The following RBMX variants were observed in gnomAD, a reference collection of about 807,000 sequenced individuals.
RBMX encodes RNA-binding motif protein, X chromosome.
A neutral mutation model predicts 29.3 loss-of-function variants in RBMX; 1 was observed. The observed-to-expected ratio is 0.03, with a 90% CI of 0.01 to 0.16. The LOEUF (loss-of-function observed/expected upper bound fraction) is 0.16. Among genes scored for constraint, RBMX ranks in the 10% least tolerant of loss-of-function variants. The pLI, the probability that RBMX is intolerant of heterozygous loss-of-function variation, is 1.00. For synonymous variants in RBMX, 102 were observed against 102.3 expected (o/e 1.00, Z 0.02); for missense variants, 121 against 333.2 (o/e 0.36, Z 4.96).
chrX:136,878,745 CAAAAAAAAAA>C (rs749152530), intron 3 of RBMX, among the ~76,000 whole-genome samples: 1 of 37,109 alleles, frequency 2.7e-5, no homozygotes, highest in Admixed American at 4.1e-4. Flanking sequence ...GGGAGACTAT[CAAAAAAAAAA>C]AAAAAAAAGT....
chrX:136,870,818 AAAAG>A (rs1040461719), downstream of RBMX, among the ~76,000 whole-genome samples: 21 of 108,973 alleles, frequency 1.9e-4, no homozygotes, highest in African/African-American at 5.7e-4. Context: ...AAAAGAAAAA[AAAAG>A]AAAGCCGCAT....
intron 1 of RBMX, among the ~76,000 whole-genome samples, 167 bp downstream of exon 1, chrX:136,880,430 G>GC (rs777020206): frequency 2.0e-4 from 22 of 111,908 alleles, no homozygotes; most frequent in Admixed American, 3.8e-4. Context: ...AACCAAACGG[G>GC]CCCCCTCATT....
chrX:136,877,469 TGA>T (rs1161503012), intron 4 of RBMX, among the ~76,000 whole-genome samples: 3 of 98,311 alleles, frequency 3.1e-5, no homozygotes, highest in African/African-American at 1.1e-4. Flanking sequence ...TTTTTTTTTT[TGA>T]GAGGGAGTCT....
At chrX:136,871,890 T>C (rs1487195631), downstream of RBMX, among the ~76,000 whole-genome samples, 2 of 105,518 alleles carry the variant, frequency 1.9e-5, no homozygotes, top group African/African-American at 6.9e-5. Flanking sequence ...CCTGACCTCA[T>C]GGTCTGCCCG....
downstream of RBMX, among the ~76,000 whole-genome samples, chrX:136,871,594 G>A (rs1815019765): frequency 9.0e-6 from 1 of 111,035 alleles, no homozygotes; most frequent in Admixed American, 9.7e-5. Context: ...ATGCAAATGA[G>A]CAAGCACTAA....
In RBMX at chrX:136,873,910, C is replaced by T. The variant is rs997023450; in HGVS notation, c.*232G>A. 2 of 1,051,762 alleles carry T rather than the reference C, an allele frequency of 1.9e-6. No individual in the cohort carries two copies. The highest frequency in any genetic ancestry group is 3.7e-5 in the African/African-American group (2 of 53,401). The allele number at this position is 1,051,762 out of a possible 1,213,427, so 86.7% of individuals were successfully genotyped here. A position where few individuals can be genotyped will look rare whatever the true frequency, so the allele number is the denominator to read the frequency against. On this transcript the variant is annotated 3_prime_UTR_variant, in exon 9 of 9. Transcript: ENST00000320676. ...GGAAAGTTACAACACTAGTACAAGT[C>T]TTAACACATTTAACATTTGCTTGTT...
chrX:136,875,959 G>A (rs557539590), intron 5 of RBMX, among the ~76,000 whole-genome samples: 7 of 108,714 alleles, frequency 6.4e-5, no homozygotes, highest in African/African-American at 1.0e-4. Flanking sequence ...CCACCACCAC[G>A]CCCAGCTAAC....
At chrX:136,879,577 G>A in intron 1 of RBMX, 124 bp from the exon 2 acceptor site, 2 of 596,917 alleles carry the variant, frequency 3.4e-6, no homozygotes, top group South Asian at 3.2e-5. Flanking sequence ...TAAAGAAAAC[G>A]ATAACGAGCT....
At chrX:136,872,321 G>C (rs764246692), downstream of RBMX, 5 of 1,165,685 alleles carry the variant, frequency 4.3e-6, no homozygotes, top group Non-Finnish European at 5.7e-6. Flanking sequence ...AGCACTCCAC[G>C]ACCATAATGA....
downstream of RBMX, chrX:136,869,767 C>A (rs780043176): frequency 8.9e-6 from 1 of 111,755 alleles, no homozygotes; most frequent in Admixed American, 9.5e-5. Flanking sequence ...TCTAATCCAA[C>A]AACTCAAGTC....
chrX:136,877,823 C>G, intron 4 of RBMX, 92 bp downstream of exon 4: 2 of 932,970 alleles, frequency 2.1e-6, no homozygotes, highest in Non-Finnish European at 2.9e-6. Context: ...AAGTTGGCAC[C>G]TTTCCTCAAG....
chrX:136,872,518 G>A, downstream of RBMX: 1 of 451,743 alleles, frequency 2.2e-6, no homozygotes, highest in South Asian at 3.5e-5. Context: ...GGCTCGGGAT[G>A]GACTGGAATG....
intron 3 of RBMX, among the ~76,000 whole-genome samples, chrX:136,878,583 T>G (rs951327221): frequency 1.1e-4 from 9 of 85,625 alleles, no homozygotes; most frequent in Admixed American, 3.3e-4. Context: ...CTGTCTCTAC[T>G]AAAAATACAA....
intron 8 of RBMX, 80 bp from the exon 9 acceptor site, chrX:136,874,532 T>C: frequency 9.1e-7 from 1 of 1,099,670 alleles, no homozygotes. Flanking sequence ...TTTACAGAAT[T>C]CTTGTATTAA....
chrX:136,870,397 C>T (rs551052142), downstream of RBMX: 50 of 113,825 alleles, frequency 4.4e-4, 1 homozygote, highest in Middle Eastern at 0.027. Flanking sequence ...TGACAATCAG[C>T]CGCCTTCTGC....
intron 8 of RBMX, 76 bp from the exon 9 acceptor site, chrX:136,874,528 G>A (rs774731785): frequency 1.8e-6 from 2 of 1,106,113 alleles, no homozygotes; most frequent in Non-Finnish European, 2.4e-6. Flanking sequence ...TGAATTTACA[G>A]AATTCTTGTA....
intron 3 of RBMX, among the ~76,000 whole-genome samples, chrX:136,878,736 G>A (rs1174306075): frequency 1.1e-5 from 1 of 87,177 alleles, no homozygotes; most frequent in Non-Finnish European, 2.2e-5. Context: ...GGCAACGGAG[G>A]GAGACTATCA....
In RBMX at chrX:136,874,302, C is replaced by T. The variant is rs765564199; in HGVS notation, c.1016G>A (p.Arg339His). The change falls in exon 9 of 9, where the codon CGT (arginine) becomes CAT (histidine). Residue 339 changes from arginine to histidine, a missense_variant. Transcript: ENST00000320676. ...SSRSDLYSSG[R>H]DRVGRQERGL... The stretch of plus-strand genomic sequence containing the variant: ...TCTTTCTTGTCTGCCAACCCGATCA[C>T]GACCACTTGAGTAGAGATCACTTCG... 2 of 1,212,825 alleles carry T rather than the reference C, an allele frequency of 1.6e-6. No homozygotes were observed. The highest frequency in any genetic ancestry group is 1.1e-6 in the Non-Finnish European group (1 of 895,648).
chrX:136,876,441 AT>A, intron 5 of RBMX, 61 bp downstream of exon 5: 1 of 1,087,700 alleles, frequency 9.2e-7, no homozygotes, highest in Non-Finnish European at 1.2e-6. Context: ...TTTAAGCATC[AT>A]TCACCTCTCA....
Sources: gnomAD v4.1 joint callset for allele counts (sites outside exome capture counted in the v4.1 genomes callset) on GRCh38, gnomAD v4.1.1 for gene constraint, MANE v1.5 for transcripts, NCBI Gene and HGNC (gene_info 2026-07-23, HGNC 2026-07-21) for gene names.